Variants in RTL9 observed in about 807,000 individuals in gnomAD.
RTL9 encodes retrotransposon Gag-like protein 9.
RTL9 carries 19 observed loss-of-function variants against 44.7 expected under a neutral mutation model. The ratio of observed to expected loss-of-function variants is 0.42; its 90% CI spans 0.30 to 0.62. The LOEUF (loss-of-function observed/expected upper bound fraction) is 0.62. RTL9 is among the 20% of genes least tolerant of loss of function. The pLI is 0.16. For synonymous variants in RTL9, 407 were observed against 398.9 expected, an observed-to-expected ratio of 1.02 and a Z score of -0.24; for missense variants, 1,105 against 1,080.6, an observed-to-expected ratio of 1.02 and a Z score of -0.32.
chrX:110,387,072 G>A (rs1044036434), intron 1 of RTL9, among the ~76,000 whole-genome samples: 1 of 112,066 alleles, frequency 8.9e-6, no homozygotes, highest in Non-Finnish European at 1.9e-5. Flanking sequence ...TTAAGGAGAA[G>A]GGATCTAAGC....
At chrX:110,415,705 AGGTATTTCTT>A (rs1358175601), upstream of RTL9, among the ~76,000 whole-genome samples, 1 of 111,174 alleles carries the variant, frequency 9.0e-6, no homozygotes, top group Admixed American at 9.6e-5. Flanking sequence ...TCCTGGGTTG[AGGTATTTCTT>A]TTCTCCCAAA....
At chrX:110,384,670 T>G (rs760098872) in intron 1 of RTL9, among the ~76,000 whole-genome samples, 1 of 111,219 alleles carries the variant, frequency 9.0e-6, no homozygotes, top group African/African-American at 3.3e-5. Flanking sequence ...GTATCATGGC[T>G]CACTCTGAAC....
At chrX:110,419,615 C>T (rs1213434189) in intron 1 of RTL9, among the ~76,000 whole-genome samples, 2 of 112,306 alleles carry the variant, frequency 1.8e-5, no homozygotes, top group Non-Finnish European at 3.8e-5. Flanking sequence ...GTGCTTGGCA[C>T]ATAGTAGGCT....
exon 1 of RTL9, chrX:110,450,642 C>G: frequency 8.3e-7 from 1 of 1,210,254 alleles, no homozygotes; most frequent in Middle Eastern, 2.3e-4. Context: ...ACATTCACTG[C>G]GATTCAACAA....
At chrX:110,448,420 C>G (rs889284564), upstream of RTL9, among the ~76,000 whole-genome samples, 46 of 109,901 alleles carry the variant, frequency 4.2e-4, 1 homozygote, top group African/African-American at 1.5e-3. Context: ...GAGCCAGGAC[C>G]CTTTTCATCT....
intron 1 of RTL9, among the ~76,000 whole-genome samples, chrX:110,429,355 C>T (rs1370049634): frequency 1.8e-5 from 2 of 111,241 alleles, no homozygotes; most frequent in Non-Finnish European, 3.8e-5. Flanking sequence ...ACAGTAGACA[C>T]TGCAAACCTG....
At chrX:110,452,016 T>C (rs1316496996) in exon 1 of RTL9, 13 of 1,209,637 alleles carry the variant, frequency 1.1e-5, no homozygotes, top group Non-Finnish European at 1.5e-5. Flanking sequence ...GTCCGCACAG[T>C]TAACAATGGC....
chrX:110,447,703 A>G (rs967399904), upstream of RTL9, among the ~76,000 whole-genome samples: 10 of 111,239 alleles, frequency 9.0e-5, no homozygotes, highest in East Asian at 2.8e-3. Flanking sequence ...GAATTATATA[A>G]TGCATATGTA....
At chrX:110,415,779 A>G (rs2068673074), upstream of RTL9, among the ~76,000 whole-genome samples, 1 of 111,462 alleles carries the variant, frequency 9.0e-6, no homozygotes, top group Non-Finnish European at 1.9e-5. Context: ...TCATTCCTTC[A>G]ATTTTGTCCT....
At chrX:110,410,053 G>A (rs1047492788) in intron 1 of RTL9, among the ~76,000 whole-genome samples, 1 of 111,949 alleles carries the variant, frequency 8.9e-6, no homozygotes, top group African/African-American at 3.2e-5. Flanking sequence ...TATCACTGGT[G>A]ATTTTGATGA....
intron 1 of RTL9, among the ~76,000 whole-genome samples, chrX:110,439,337 G>A (rs982124162): frequency 8.9e-6 from 1 of 112,176 alleles, no homozygotes; most frequent in Non-Finnish European, 1.9e-5. Context: ...ACCATTCGTG[G>A]GATAGCGTGG....
At chrX:110,408,637 C>G (rs959184025) in intron 1 of RTL9, among the ~76,000 whole-genome samples, 32 of 112,445 alleles carry the variant, frequency 2.8e-4, no homozygotes, top group African/African-American at 1.0e-3. Flanking sequence ...GAGGATCACA[C>G]AGACTCATTC....
intron 1 of RTL9, among the ~76,000 whole-genome samples, chrX:110,383,910 T>C (rs1445291233): frequency 1.8e-5 from 2 of 112,137 alleles, no homozygotes; most frequent in Non-Finnish European, 3.8e-5. Flanking sequence ...TTATAAGCTA[T>C]GTGATGTTGA....
intron 1 of RTL9, among the ~76,000 whole-genome samples, chrX:110,454,985 T>C (rs2068972123): frequency 9.0e-6 from 1 of 111,665 alleles, no homozygotes; most frequent in African/African-American, 3.3e-5. Flanking sequence ...TTCTAATAAA[T>C]GGGTCTTTTG....
At chrX:110,395,927 C>A (rs1331898820) in intron 1 of RTL9, among the ~76,000 whole-genome samples, 1 of 111,806 alleles carries the variant, frequency 8.9e-6, no homozygotes, top group Non-Finnish European at 1.9e-5. Flanking sequence ...GTGGTTCTTG[C>A]CTCCAGGGCT....
chrX:110,371,854 G>C (rs2068340870), intron 1 of RTL9, among the ~76,000 whole-genome samples: 1 of 111,033 alleles, frequency 9.0e-6, no homozygotes, highest in Non-Finnish European at 1.9e-5. Flanking sequence ...GCTCCCTGGG[G>C]TGCTTCACCA....
intron 1 of RTL9, among the ~76,000 whole-genome samples, chrX:110,377,875 A>G (rs1420430774): frequency 1.9e-5 from 2 of 107,931 alleles, no homozygotes; most frequent in Non-Finnish European, 1.9e-5. Flanking sequence ...CGGGCGTGGT[A>G]GCGGGCCCCT....
At chrX:110,446,512 T>A (rs1227710370), upstream of RTL9, among the ~76,000 whole-genome samples, 1 of 110,930 alleles carries the variant, frequency 9.0e-6, no homozygotes, top group East Asian at 2.8e-4. Context: ...TTAAAAAAAA[T>A]AAAATTAACT....
intron 1 of RTL9, among the ~76,000 whole-genome samples, chrX:110,387,378 A>C (rs1253952933): frequency 8.9e-6 from 1 of 112,187 alleles, no homozygotes; most frequent in Admixed American, 9.5e-5. Context: ...TAACTGGACA[A>C]ATTTCACATA....
Sources: allele counts gnomAD v4.1 joint callset (sites outside exome capture counted in the v4.1 genomes callset), GRCh38; gene constraint gnomAD v4.1.1; transcripts MANE v1.5; gene names NCBI Gene and HGNC (gene_info 2026-07-23, HGNC 2026-07-21).